The following CAMTA1 variants were observed in gnomAD, a reference collection of about 807,000 sequenced individuals.
The protein encoded by CAMTA1 is calmodulin binding transcription activator 1.
CAMTA1 carries 27 observed loss-of-function variants against 170.9 expected under a neutral mutation model. The observed-to-expected ratio is 0.16, with a 90% CI of 0.12 to 0.22. The LOEUF (loss-of-function observed/expected upper bound fraction) is 0.22. Ranked by LOEUF, CAMTA1 falls within the 10% of genes least tolerant of loss-of-function variation. The pLI is 1.00. For missense variants in CAMTA1, 1,619 were observed against 2,217.2 expected, an observed-to-expected ratio of 0.73 and a Z score of 5.42; for synonymous variants, 833 against 891.5, an observed-to-expected ratio of 0.93 and a Z score of 1.17.
In CAMTA1 at chr1:7,766,596, C is replaced by T. The variant is rs1381008352; in HGVS notation, c.*105C>T. On this transcript the variant is annotated 3_prime_UTR_variant, in exon 23 of 23. Coordinates refer to ENST00000303635, the MANE Select transcript of CAMTA1 (RefSeq NM_015215.4). ...ACAACAACACACACGCACACACGCA[C>T]ACACACACACGTACACACACATACA... The T allele has an allele frequency of 2.1e-6, 2 of 947,610 alleles. No homozygotes were observed. The highest frequency in any genetic ancestry group is 3.4e-6 in the Non-Finnish European group (2 of 584,146). 58.7% of individuals were successfully genotyped at this position (947,610 alleles called of 1,614,324 possible). A position where few individuals can be genotyped will look rare whatever the true frequency, so the allele number is the denominator to read the frequency against.
chr1:6,943,503 G>A (rs1687045571), intron 3 of CAMTA1, among the ~76,000 whole-genome samples: 2 of 152,110 alleles, frequency 1.3e-5, no homozygotes, highest in South Asian at 4.1e-4. Context: ...TTCTCAACAC[G>A]GCGGCCAGGG....
intron 4 of CAMTA1, among the ~76,000 whole-genome samples, chr1:7,231,111 G>A (rs913871296): frequency 1.7e-4 from 26 of 152,220 alleles, no homozygotes; most frequent in African/African-American, 5.5e-4. Flanking sequence ...GAGCCCCGGT[G>A]GCTACCTCCC....
chr1:7,367,956 G>A (rs960143603), intron 5 of CAMTA1, among the ~76,000 whole-genome samples: 2 of 151,298 alleles, frequency 1.3e-5, no homozygotes, highest in Non-Finnish European at 2.9e-5. Flanking sequence ...GGCATGGATG[G>A]TTTCATTGGG....
chr1:7,695,323 G>A (rs1039192351), intron 11 of CAMTA1, among the ~76,000 whole-genome samples: 7 of 152,198 alleles, frequency 4.6e-5, no homozygotes, highest in East Asian at 1.9e-4. Context: ...AAGAGGGCGC[G>A]GCAGGGAGCC....
chr1:7,522,768 A>T (rs1442873542), intron 6 of CAMTA1, among the ~76,000 whole-genome samples: 2 of 152,196 alleles, frequency 1.3e-5, no homozygotes, highest in African/African-American at 4.8e-5. Flanking sequence ...TGAAAAGTTT[A>T]TCCTTCCTCC....
chr1:7,084,393 C>G (rs2148056093), intron 3 of CAMTA1, among the ~76,000 whole-genome samples: 1 of 152,244 alleles, frequency 6.6e-6, no homozygotes, highest in South Asian at 2.1e-4. Context: ...CTGGACCCTT[C>G]TATGGGGTTG....
chr1:7,660,399 G>A (rs1036758295), intron 7 of CAMTA1, among the ~76,000 whole-genome samples: 4 of 152,120 alleles, frequency 2.6e-5, no homozygotes, highest in Non-Finnish European at 4.4e-5. Context: ...ATATCCAAGT[G>A]TAGTGACACA....
rs1380230504 is a variant in CAMTA1 at position 7,565,564 on chromosome 1, G to A, written c.511-74836G>A. 6.6e-6 allele frequency among the ~76,000 whole-genome samples: 1 copy of A among 152,162 alleles called. No individual in the cohort carries two copies. The highest frequency in any genetic ancestry group is 2.4e-5 in the African/African-American group (1 of 41,442). On this transcript the variant is annotated intron_variant, in intron 6 of 22. Transcript: ENST00000303635. The surrounding 1 kb of genome is among the most constrained non-coding windows in gnomAD (Gnocchi z 4.5). ...GGAACAGCAGGACGGGGCTGGCAGAGCTTGGGACCCTCGAACTCCATTGGG... is the reference window on the plus strand; with the variant it reads ...GGAACAGCAGGACGGGGCTGGCAGAACTTGGGACCCTCGAACTCCATTGGG...
chr1:7,579,533 C>CTTTCT (rs1332631356), intron 6 of CAMTA1, among the ~76,000 whole-genome samples: 73 of 129,780 alleles, frequency 5.6e-4, no homozygotes, highest in Non-Finnish European at 1.1e-3. Flanking sequence ...CTAAGGTCCA[C>CTTTCT]TTTCTTTTCT....
chr1:7,253,184 C>T (rs927323924), intron 5 of CAMTA1, among the ~76,000 whole-genome samples: 1 of 152,142 alleles, frequency 6.6e-6, no homozygotes, highest in African/African-American at 2.4e-5. Flanking sequence ...TTTATGCCAG[C>T]TTCTTTGGTG....
intron 3 of CAMTA1, among the ~76,000 whole-genome samples, chr1:6,939,248 A>G (rs1248017341): frequency 6.6e-6 from 1 of 152,190 alleles, no homozygotes; most frequent in Non-Finnish European, 1.5e-5. Context: ...ATTAATACTG[A>G]TTTTATTTCC....
At chr1:7,638,578 GT>G (rs1359824699) in intron 6 of CAMTA1, among the ~76,000 whole-genome samples, 27 of 151,998 alleles carry the variant, frequency 1.8e-4, no homozygotes, top group Non-Finnish European at 3.5e-4. Flanking sequence ...GGAGGTGGAG[GT>G]TGCAGTGAGC....
chr1:7,384,044 C>G (rs1416162199), intron 5 of CAMTA1, among the ~76,000 whole-genome samples: 2 of 152,190 alleles, frequency 1.3e-5, no homozygotes, highest in Admixed American at 1.3e-4. Flanking sequence ...CGGGACTGGG[C>G]TGCCACGCCC....
At chr1:7,709,048 C>G (rs929931652) in intron 11 of CAMTA1, among the ~76,000 whole-genome samples, 2 of 152,212 alleles carry the variant, frequency 1.3e-5, no homozygotes, top group African/African-American at 4.8e-5. Context: ...CATGAGCCCT[C>G]TGTCACACGC....
At chr1:6,857,851 G>A (rs1663031657) in intron 3 of CAMTA1, among the ~76,000 whole-genome samples, 1 of 152,154 alleles carries the variant, frequency 6.6e-6, no homozygotes, top group African/African-American at 2.4e-5. Context: ...CTATTAATGG[G>A]GAGATCTAGG....
intron 5 of CAMTA1, among the ~76,000 whole-genome samples, chr1:7,371,475 A>T (rs554761191): frequency 5.4e-5 from 8 of 149,406 alleles, no homozygotes; most frequent in African/African-American, 2.0e-4. Context: ...GGCCAGGCTG[A>T]TCTCAAACTC....
chr1:7,203,964 T>G (rs1237535051), intron 4 of CAMTA1, among the ~76,000 whole-genome samples: 1 of 151,578 alleles, frequency 6.6e-6, no homozygotes, highest in Non-Finnish European at 1.5e-5. Context: ...CCCGAGTAGC[T>G]GGGACTACAG....
chr1:7,329,548 C>T (rs746803461), intron 5 of CAMTA1, among the ~76,000 whole-genome samples: 5 of 152,130 alleles, frequency 3.3e-5, no homozygotes, highest in African/African-American at 7.2e-5. Context: ...ATGTTTCTCC[C>T]GTGGCTAATC....
chr1:7,386,745 T>G (rs1474867785), intron 5 of CAMTA1, among the ~76,000 whole-genome samples: 2 of 152,140 alleles, frequency 1.3e-5, no homozygotes, highest in Non-Finnish European at 1.5e-5. Context: ...AGCTCCTGTT[T>G]CCCAAGGCTA....
Sources: allele counts gnomAD v4.1 joint callset (sites outside exome capture counted in the v4.1 genomes callset), GRCh38; gene constraint gnomAD v4.1.1; non-coding constraint Gnocchi (gnomAD v3.1); transcripts MANE v1.5; gene names NCBI Gene and HGNC (gene_info 2026-07-23, HGNC 2026-07-21).